Variants in PHACTR3 observed in about 807,000 individuals in gnomAD.
The protein encoded by PHACTR3 is protein phosphatase 1, regulatory subunit 123.
Under a neutral mutation model 66.8 loss-of-function variants are expected in PHACTR3, and 16 were observed. The ratio of observed to expected loss-of-function variants is 0.24; its 90% CI spans 0.16 to 0.36. PHACTR3 has a LOEUF of 0.36. Among genes scored for constraint, PHACTR3 ranks in the 10% least tolerant of loss-of-function variants. The probability of loss-of-function intolerance (pLI) is 1.00; values close to 1 mark genes in which losing one functional copy is unlikely to be tolerated. For missense variants in PHACTR3, 647 were observed against 719.9 expected (o/e 0.90, Z 1.16); for synonymous variants, 323 against 292.1 (o/e 1.11, Z -1.08).
intron 4 of PHACTR3, among the ~76,000 whole-genome samples, chr20:59,757,522 G>A (rs1362153868): frequency 2.4e-5 from 2 of 84,074 alleles, no homozygotes; most frequent in Non-Finnish European, 6.3e-5. Context: ...TTTCTGTAAA[G>A]GGCCAGAGAG....
intron 8 of PHACTR3, among the ~76,000 whole-genome samples, chr20:59,812,740 G>C (rs149895665): frequency 6.6e-6 from 1 of 152,218 alleles, no homozygotes; most frequent in Non-Finnish European, 1.5e-5. Flanking sequence ...ACGTGGAAGC[G>C]GGGGAGGAAT....
At chr20:59,818,868 CATT>C (rs1190800669) in intron 8 of PHACTR3, among the ~76,000 whole-genome samples, 1 of 152,202 alleles carries the variant, frequency 6.6e-6, no homozygotes, top group African/African-American at 2.4e-5. Context: ...TTTTCTTCCT[CATT>C]ATCTTTCCAT....
chr20:59,603,058 A>G (rs1210559787), upstream of PHACTR3, among the ~76,000 whole-genome samples: 1 of 152,252 alleles, frequency 6.6e-6, no homozygotes, highest in Admixed American at 6.5e-5. Flanking sequence ...TGCTCAGTCC[A>G]AGGCTGGCAG....
intron 1 of PHACTR3, among the ~76,000 whole-genome samples, chr20:59,651,080 G>A (rs1417010015): frequency 6.6e-6 from 1 of 152,104 alleles, no homozygotes; most frequent in Non-Finnish European, 1.5e-5. Flanking sequence ...TCATCTTTGG[G>A]TTGACCATGG....
chr20:59,825,875 G>C (rs1378330240), intron 8 of PHACTR3, among the ~76,000 whole-genome samples: 3 of 152,254 alleles, frequency 2.0e-5, no homozygotes, highest in Admixed American at 2.0e-4. Flanking sequence ...AGGTGATTAG[G>C]TCATGAGGGT....
intron 8 of PHACTR3, among the ~76,000 whole-genome samples, chr20:59,833,112 G>T (rs2042433171): frequency 1.3e-5 from 2 of 152,220 alleles, no homozygotes; most frequent in Non-Finnish European, 2.9e-5. Context: ...TGACAAGCCA[G>T]TGGGGTCCTG....
rs577574805 is a variant in PHACTR3, at chr20:59,713,239, C to T, written c.119-29868C>T. Among the ~76,000 whole-genome samples the T allele has an allele frequency of 2.0e-5, 3 of 152,346 alleles. No individual in the cohort carries two copies. The East Asian group carries it at 5.8e-4, about 29-fold the overall frequency. On this transcript the variant is annotated intron_variant, in intron 1 of 12. Coordinates refer to ENST00000371015, the MANE Select transcript of PHACTR3 (RefSeq NM_080672.5). Reference sequence around the variant, plus strand: ...CTACTTGAGTTTTTTTTTCTATCTACATTTTAACACTTAAGTCGATTCCTG... The same window carrying T: ...CTACTTGAGTTTTTTTTTCTATCTATATTTTAACACTTAAGTCGATTCCTG...
At chr20:59,777,297 G>T (rs2040572693) in intron 7 of PHACTR3, among the ~76,000 whole-genome samples, 1 of 152,126 alleles carries the variant, frequency 6.6e-6, no homozygotes, top group South Asian at 2.1e-4. Context: ...TCCAAATAAG[G>T]TCACTTTCAC....
intron 1 of PHACTR3, among the ~76,000 whole-genome samples, chr20:59,620,991 C>T (rs1171166766): frequency 2.0e-5 from 3 of 152,234 alleles, no homozygotes; most frequent in Admixed American, 6.5e-5. Flanking sequence ...GAGTCCACTG[C>T]TGTCATCTTC....
chr20:59,634,726 A>T (rs992613001), intron 1 of PHACTR3, among the ~76,000 whole-genome samples: 3 of 152,124 alleles, frequency 2.0e-5, no homozygotes, highest in Non-Finnish European at 4.4e-5. Flanking sequence ...ATTATAGGTG[A>T]GCGCCATCCA....
chr20:59,767,748 A>G (rs2040228907), intron 5 of PHACTR3, among the ~76,000 whole-genome samples: 1 of 152,068 alleles, frequency 6.6e-6, no homozygotes, highest in Non-Finnish European at 1.5e-5. Context: ...AGTTCCCAGG[A>G]TGGGGCTTGG....
chr20:59,597,323 C>T (rs1042118916), intron 1 of PHACTR3, among the ~76,000 whole-genome samples: 1 of 152,234 alleles, frequency 6.6e-6, no homozygotes, highest in African/African-American at 2.4e-5. Flanking sequence ...CTTGTTACCT[C>T]CTCCTCTTCC....
chr20:59,672,541 G>A (rs2036229739), intron 1 of PHACTR3, among the ~76,000 whole-genome samples: 1 of 152,202 alleles, frequency 6.6e-6, no homozygotes, highest in African/African-American at 2.4e-5. Context: ...ATGTCCTCCT[G>A]AGCCTCAGTT....
At chr20:59,621,058 G>A (rs950472538) in intron 1 of PHACTR3, among the ~76,000 whole-genome samples, 1 of 152,228 alleles carries the variant, frequency 6.6e-6, no homozygotes, top group Non-Finnish European at 1.5e-5. Context: ...GTCGGTGTCT[G>A]TGCCAGTGGA....
intron 1 of PHACTR3, among the ~76,000 whole-genome samples, chr20:59,655,999 C>T (rs1276692647): frequency 6.6e-6 from 1 of 151,792 alleles, no homozygotes; most frequent in East Asian, 1.9e-4. Context: ...CCATTGTGGT[C>T]AGAAATTATA....
At chr20:59,768,389 G>T (rs995063981) in intron 5 of PHACTR3, among the ~76,000 whole-genome samples, 3 of 152,186 alleles carry the variant, frequency 2.0e-5, no homozygotes, top group Non-Finnish European at 4.4e-5. Context: ...ATCAATAATT[G>T]CCATTTGCTG....
chr20:59,679,926 T>TG, intron 1 of PHACTR3, among the ~76,000 whole-genome samples: 1 of 152,222 alleles, frequency 6.6e-6, no homozygotes, highest in South Asian at 2.1e-4. Flanking sequence ...GAGATTTGGG[T>TG]GGGGACACAG....
At chr20:59,607,540 T>C (rs917326386) in intron 1 of PHACTR3, among the ~76,000 whole-genome samples, 1 of 152,258 alleles carries the variant, frequency 6.6e-6, no homozygotes, top group African/African-American at 2.4e-5. Context: ...CAAAGGCATT[T>C]TTAATGCATC....
chr20:59,794,549 GC>G (rs970139393), intron 7 of PHACTR3, among the ~76,000 whole-genome samples: 27 of 152,058 alleles, frequency 1.8e-4, no homozygotes, highest in African/African-American at 6.0e-4. Context: ...GGTAATGCTG[GC>G]CTTGTAGAAT....
Sources: gnomAD v4.1 joint callset for allele counts (sites outside exome capture counted in the v4.1 genomes callset) on GRCh38, gnomAD v4.1.1 for gene constraint, MANE v1.5 for transcripts, NCBI Gene and HGNC (gene_info 2026-07-23, HGNC 2026-07-21) for gene names.